SMIM27: variants seen among roughly 807,000 people sequenced by gnomAD.
The protein encoded by SMIM27 is TOPORS antisense RNA 1 (non-protein coding).
A neutral mutation model predicts 1.8 loss-of-function variants in SMIM27; 3 were observed. The observed-to-expected ratio is 1.65, with a 90% CI of 0.75 to 4.28. SMIM27 has a LOEUF of 4.28. Among genes scored for constraint, SMIM27 ranks in the 30% most tolerant of loss-of-function variants. SMIM27 has a pLI of 0.02. For synonymous variants in SMIM27, 19 were observed against 13.9 expected, an observed-to-expected ratio of 1.37 and a Z score of -0.82; for missense variants, 63 against 37.0, an observed-to-expected ratio of 1.70 and a Z score of -1.83.
chr9:32,558,911 G>C (rs1410270009), intron 1 of SMIM27: 1 of 1,573,618 alleles, frequency 6.4e-7, no homozygotes, highest in Non-Finnish European at 8.7e-7. Flanking sequence ...AAGACTTACA[G>C]GGAATATTCT....
chr9:32,566,070 CA>C (rs60006624), intron 1 of SMIM27: 172,034 of 338,208 alleles, frequency 0.51, 28,567 homozygotes, highest in African/African-American at 0.62. Context: ...CTGGAGTGAC[CA>C]AAAAAAAAAA....
chr9:32,553,699 T>C (rs1821370675), downstream of SMIM27: 1 of 561,916 alleles, frequency 1.8e-6, no homozygotes, highest in African/African-American at 1.9e-5. Flanking sequence ...TTGTTTAGCA[T>C]GTCCACTTTT....
At chr9:32,566,568 T>C in exon 2 of SMIM27, 3 of 781,560 alleles carry the variant, frequency 3.8e-6, no homozygotes, top group Non-Finnish European at 4.7e-6. Context: ...CTGCACAGAC[T>C]GGAGCTTCTG....
chr9:32,558,804 A>G, intron 1 of SMIM27: 2 of 773,158 alleles, frequency 2.6e-6, no homozygotes, highest in Non-Finnish European at 4.0e-6. Flanking sequence ...ACTTAAACCG[A>G]AAGTGAGAAG....
chr9:32,552,454 G>C lies in SMIM27; in HGVS notation c.20G>C (p.Arg7Pro). 3 of 1,603,858 alleles carry C rather than the reference G, an allele frequency of 1.9e-6. No individual in the cohort carries two copies. The highest frequency in any genetic ancestry group is 1.1e-5 in the South Asian group (1 of 89,288). The change falls in exon 1 of 2, where the codon CGC becomes CCC. Residue 7 changes from arginine to proline, a missense_variant. Arg to Pro is a moderately radical substitution (Grantham distance 103). Coordinates refer to ENST00000692500, the MANE Select transcript of SMIM27 (RefSeq NM_001387564.1). MKPVSR[R>P]TLDWIYSVLL... The stretch of plus-strand genomic sequence containing the variant: ...CTTACCATGAAGCCAGTAAGTCGTC[G>C]CACGCTGGACTGGATTTATTCAGTG...
chr9:32,558,193 G>T (rs1452678702), intron 1 of SMIM27, among the ~76,000 whole-genome samples: 1 of 149,032 alleles, frequency 6.7e-6, no homozygotes, highest in Non-Finnish European at 1.5e-5. Context: ...CTCACTGCAA[G>T]CTCCACCTCC....
downstream of SMIM27, among the ~76,000 whole-genome samples, chr9:32,556,890 C>T (rs189707011): frequency 2.1e-3 from 249 of 117,708 alleles, 1 homozygote; most frequent in African/African-American, 7.7e-3. Context: ...GGTGCTCTGT[C>T]GCTAAGGCTG....
intron 1 of SMIM27, among the ~76,000 whole-genome samples, chr9:32,565,196 G>A (rs1193440516): frequency 6.6e-6 from 1 of 152,090 alleles, no homozygotes; most frequent in East Asian, 1.9e-4. Context: ...GGTAGGCTGA[G>A]GCAGGAGAAT....
chr9:32,556,243 C>T (rs1587635663), downstream of SMIM27, among the ~76,000 whole-genome samples: 1 of 152,160 alleles, frequency 6.6e-6, no homozygotes, highest in African/African-American at 2.4e-5. Flanking sequence ...TGGGAAATAG[C>T]AAAGAGCACA....
At chr9:32,552,220 C>T, upstream of SMIM27, 1 of 622,230 alleles carries the variant, frequency 1.6e-6, no homozygotes, top group East Asian at 2.8e-5. Flanking sequence ...CTCGTTTATT[C>T]CCCTCTCTAA....
intron 1 of SMIM27, among the ~76,000 whole-genome samples, chr9:32,563,710 C>G (rs1003856344): frequency 6.6e-6 from 1 of 152,238 alleles, no homozygotes; most frequent in East Asian, 1.9e-4. Context: ...TTCTATCATT[C>G]AGCAAATTAT....
chr9:32,561,983 C>T (rs983446616), intron 1 of SMIM27, among the ~76,000 whole-genome samples: 1 of 152,156 alleles, frequency 6.6e-6, no homozygotes, highest in African/African-American at 2.4e-5. Flanking sequence ...GTCACTCTCC[C>T]ATTAAAAAAT....
Position 32,552,908 on chromosome 9 carries a change from G to C in SMIM27, c.153G>C (p.Thr51=). The stretch of plus-strand genomic sequence containing the variant: ...AATACCCAGACAAAATCTTTGGGAC[G>C]AATGAAAATTTGTAACTCTTCTGGA... The part of the protein sequence containing the change: ...RKKYPDKIFG[T]NENL The change falls in exon 2 of 2, where the codon ACG becomes ACC. Residue 51 remains threonine, a synonymous_variant. Coordinates refer to ENST00000692500, the MANE Select transcript of SMIM27 (RefSeq NM_001387564.1). The C allele has an allele frequency of 1.4e-6, 1 of 701,962 alleles. No homozygotes were observed. Among genetic ancestry groups the C allele is most frequent in the Middle Eastern group, 2.3e-4 (1 of 4,362 alleles). The allele number at this position is 701,962 out of a possible 1,614,324, so 43.5% of individuals were successfully genotyped here. A position where few individuals can be genotyped will look rare whatever the true frequency, so the allele number is the denominator to read the frequency against.
chr9:32,562,896 T>C (rs574084433), intron 1 of SMIM27, among the ~76,000 whole-genome samples: 2 of 152,368 alleles, frequency 1.3e-5, no homozygotes, highest in Admixed American at 1.3e-4. Flanking sequence ...TTACAGATAA[T>C]GCAATTATGC....
At position 32,558,252 on chromosome 9, in the gene SMIM27, C is replaced by A. The variant is rs546068085; in HGVS notation, c.45+5773C>A. On this transcript the variant is annotated intron_variant, in intron 1 of 1. Coordinates refer to the SMIM27 transcript ENST00000451672. ...TCAGCCTCTCGAGTAGCTGGGACTACAGGCGCCCGCCACCACGCCCAGCTA... is the reference window on the plus strand; with the variant it reads ...TCAGCCTCTCGAGTAGCTGGGACTAAAGGCGCCCGCCACCACGCCCAGCTA... Among the ~76,000 whole-genome samples, 4 of 152,142 alleles carry A rather than the reference C, an allele frequency of 2.6e-5. No homozygotes were observed. The East Asian group carries it at 7.8e-4, about 29-fold the overall frequency.
intron 1 of SMIM27, among the ~76,000 whole-genome samples, chr9:32,561,269 T>C (rs1821616795): frequency 6.6e-6 from 1 of 152,052 alleles, no homozygotes; most frequent in African/African-American, 2.4e-5. Context: ...ACAGGCCATG[T>C]CCACTTGGAC....
At chr9:32,566,791 A>G in exon 2 of SMIM27, 1 of 912,066 alleles carries the variant, frequency 1.1e-6, no homozygotes, top group Non-Finnish European at 1.8e-6. Context: ...CTGACGTTGT[A>G]CAGGAGGTCG....
At chr9:32,556,573 T>C (rs751885286), downstream of SMIM27, among the ~76,000 whole-genome samples, 2 of 152,192 alleles carry the variant, frequency 1.3e-5, no homozygotes, top group Non-Finnish European at 1.5e-5. Context: ...AAAGGGGTCA[T>C]GGCACAGAAA....
rs1821336874 is a variant in SMIM27, at chr9:32,552,882, A to T, written c.127A>T (p.Lys43Ter). 1 of 702,732 alleles carries T rather than the reference A, an allele frequency of 1.4e-6. No individual in the cohort carries two copies. The highest frequency in any genetic ancestry group is 2.6e-6 in the Non-Finnish European group (1 of 384,824). The allele number at this position is 702,732 out of a possible 1,614,324, so 43.5% of individuals were successfully genotyped here. A position where few individuals can be genotyped will look rare whatever the true frequency, so the allele number is the denominator to read the frequency against. Residue 43 changes from lysine to a stop codon, truncating the protein, a stop_gained, in exon 2 of 2, where the codon AAA becomes TAA. Transcript: ENST00000692500. LOFTEE classifies it high-confidence loss of function. ...MVSARRQLRK[K>*]YPDKIFGTNE... ...GTCTGCAAGACGACAGCTAAGGAAGAAATACCCAGACAAAATCTTTGGGAC... is the reference window on the plus strand; with the variant it reads ...GTCTGCAAGACGACAGCTAAGGAAGTAATACCCAGACAAAATCTTTGGGAC...
Sources: gnomAD v4.1 joint callset for allele counts (sites outside exome capture counted in the v4.1 genomes callset) on GRCh38, gnomAD v4.1.1 for gene constraint, MANE v1.5 for transcripts, NCBI Gene and HGNC (gene_info 2026-07-23, HGNC 2026-07-21) for gene names.